Variants in XKR9 observed in about 807,000 individuals in gnomAD.
XKR9 encodes the protein XK-related protein 9.
XKR9 carries 32 observed loss-of-function variants against 32.0 expected under a neutral mutation model. The observed-to-expected ratio is 1.00, with a 90% CI of 0.76 to 1.34. The LOEUF is 1.34. XKR9 is among the 40% of genes most tolerant of loss of function. The probability of loss-of-function intolerance (pLI) is 0.00; values close to 1 mark genes in which losing one functional copy is unlikely to be tolerated. For missense variants in XKR9, 546 were observed against 429.7 expected, an observed-to-expected ratio of 1.27 and a Z score of -2.39; for synonymous variants, 168 against 143.4, an observed-to-expected ratio of 1.17 and a Z score of -1.22.
chr8:70,740,692 C>A (rs1170819237), downstream of XKR9, among the ~76,000 whole-genome samples: 2 of 152,174 alleles, frequency 1.3e-5, no homozygotes, highest in Admixed American at 6.5e-5. Flanking sequence ...ACAGACAGGA[C>A]CCTCAGCTGC....
chr8:71,055,732 T>C, the XKR9 span, among the ~76,000 whole-genome samples: 1 of 152,196 alleles, frequency 6.6e-6, no homozygotes. Flanking sequence ...ATAGATTCTT[T>C]CCTTGCTGTT....
intron 4 of XKR9, among the ~76,000 whole-genome samples, chr8:70,733,042 G>T (rs1174754604): frequency 6.6e-6 from 1 of 152,146 alleles, no homozygotes; most frequent in Non-Finnish European, 1.5e-5. Context: ...GGTTGAACCC[G>T]GGAGGTGGAG....
At chr8:70,812,547 C>T in the XKR9 span, among the ~76,000 whole-genome samples, 278 of 152,260 alleles carry the variant, frequency 1.8e-3, 3 homozygotes, top group Admixed American at 1.0e-3. Context: ...AAAACCCCAT[C>T]GTCTCAGCCC....
chr8:70,924,296 C>A, the XKR9 span, among the ~76,000 whole-genome samples: 1 of 152,160 alleles, frequency 6.6e-6, no homozygotes, highest in Non-Finnish European at 1.5e-5. Context: ...AGCTTCTTAT[C>A]CTGTTTTTCT....
the XKR9 span, among the ~76,000 whole-genome samples, chr8:71,045,563 G>A: frequency 2.8e-4 from 42 of 152,350 alleles, no homozygotes; most frequent in East Asian, 7.5e-3. Context: ...GAACGAGGTA[G>A]CACTTTTGTG....
downstream of XKR9, among the ~76,000 whole-genome samples, chr8:70,740,757 A>C (rs1806957890): frequency 6.6e-6 from 1 of 152,242 alleles, no homozygotes; most frequent in Admixed American, 6.5e-5. Context: ...CCTGTGTTCT[A>C]GCAGCGGTGG....
At chr8:70,825,366 A>G in the XKR9 span, among the ~76,000 whole-genome samples, 3 of 152,014 alleles carry the variant, frequency 2.0e-5, no homozygotes, top group Admixed American at 1.3e-4. Context: ...CCCATTGCTT[A>G]TTTCCTCCTC....
the XKR9 span, among the ~76,000 whole-genome samples, chr8:70,965,658 A>G: frequency 1.3e-5 from 2 of 152,130 alleles, no homozygotes; most frequent in African/African-American, 2.4e-5. Context: ...CAGGGATTCA[A>G]TTTCTTCCTG....
the XKR9 span, among the ~76,000 whole-genome samples, chr8:71,061,185 T>G: frequency 6.6e-6 from 1 of 152,206 alleles, no homozygotes; most frequent in African/African-American, 2.4e-5. Context: ...TGCAGAGCTG[T>G]GGATTCAAAC....
chr8:70,783,537 T>C (rs1288741867), intron 2 of XKR9, among the ~76,000 whole-genome samples: 1 of 152,228 alleles, frequency 6.6e-6, no homozygotes, highest in Non-Finnish European at 1.5e-5. Context: ...GCCCATTTTT[T>C]AACTGAGTTT....
the XKR9 span, among the ~76,000 whole-genome samples, chr8:70,910,621 T>C: frequency 6.6e-6 from 1 of 152,238 alleles, no homozygotes; most frequent in Admixed American, 6.5e-5. Context: ...AACAAGCCTC[T>C]ATTAGTTTTC....
At chr8:70,850,584 C>A in the XKR9 span, among the ~76,000 whole-genome samples, 1 of 151,914 alleles carries the variant, frequency 6.6e-6, no homozygotes, top group Non-Finnish European at 1.5e-5. Flanking sequence ...TAGAGCTTAT[C>A]CACCACAATC....
At chr8:70,834,803 CA>C in the XKR9 span, among the ~76,000 whole-genome samples, 1 of 152,076 alleles carries the variant, frequency 6.6e-6, no homozygotes, top group East Asian at 1.9e-4. Context: ...TAGATCAAAG[CA>C]AAACCAGTGT....
the XKR9 span, among the ~76,000 whole-genome samples, chr8:70,958,692 A>G: frequency 3.1e-4 from 47 of 152,242 alleles, no homozygotes; most frequent in Non-Finnish European, 1.3e-4. Context: ...GAAGCTCTTT[A>G]GTTTAATTAG....
the XKR9 span, among the ~76,000 whole-genome samples, chr8:70,817,977 G>T: frequency 6.6e-6 from 1 of 152,102 alleles, no homozygotes; most frequent in Non-Finnish European, 1.5e-5. Flanking sequence ...ATGGGTTAAA[G>T]GTTTAGATGT....
chr8:71,054,076 A>G, the XKR9 span, among the ~76,000 whole-genome samples: 1 of 152,218 alleles, frequency 6.6e-6, no homozygotes, highest in East Asian at 1.9e-4. Flanking sequence ...TGCAGCCCCA[A>G]TCAGCATCAC....
chr8:70,887,362 C>T, the XKR9 span, among the ~76,000 whole-genome samples: 1 of 152,028 alleles, frequency 6.6e-6, no homozygotes, highest in Non-Finnish European at 1.5e-5. Flanking sequence ...AGTGTGATGC[C>T]TCCAGCTTTG....
chr8:70,763,865 A>G (rs909012773), intron 2 of XKR9, among the ~76,000 whole-genome samples: 4 of 152,156 alleles, frequency 2.6e-5, no homozygotes, highest in Non-Finnish European at 4.4e-5. Context: ...GGATTAGTAG[A>G]CTGTATTCCT....
At chr8:70,968,520 G>A in the XKR9 span, among the ~76,000 whole-genome samples, 1 of 151,990 alleles carries the variant, frequency 6.6e-6, no homozygotes. Context: ...TAGCACTTTG[G>A]TTTTTTGAGT....
Sources: allele counts gnomAD v4.1 joint callset (sites outside exome capture counted in the v4.1 genomes callset), GRCh38; gene constraint gnomAD v4.1.1; transcripts MANE v1.5; gene names NCBI Gene and HGNC (gene_info 2026-07-23, HGNC 2026-07-21).